Variants in MYOM1 observed in about 807,000 individuals in gnomAD.
MYOM1 encodes the protein myomesin 1.
In MYOM1, 164 loss-of-function variants were observed where a neutral mutation model predicts 205.3. That is an observed-to-expected ratio of 0.80 (90% CI 0.70 to 0.91). MYOM1 has a LOEUF of 0.91. Ranked by LOEUF, MYOM1 falls within the 40% of genes least tolerant of loss-of-function variation. MYOM1 has a pLI of 0.00. For synonymous variants in MYOM1, 772 were observed against 789.4 expected (o/e 0.98, Z 0.37); for missense variants, 2,011 against 2,127.3 (o/e 0.95, Z 1.08).
intron 18 of MYOM1, among the ~76,000 whole-genome samples, chr18:3,127,457 C>T (rs1437975181): frequency 3.3e-5 from 5 of 151,398 alleles, no homozygotes; most frequent in East Asian, 3.9e-4. Context: ...TATAGGTGTG[C>T]ACCACCATGC....
At chr18:3,187,346 C>T in intron 5 of MYOM1, 134 bp downstream of exon 5, 1 of 972,374 alleles carries the variant, frequency 1.0e-6, no homozygotes, top group East Asian at 2.5e-5. Flanking sequence ...TACCCTTCTT[C>T]ACTCTTTTAA....
At chr18:3,107,060 T>C (rs112137631) in intron 22 of MYOM1, among the ~76,000 whole-genome samples, 4 of 152,296 alleles carry the variant, frequency 2.6e-5, no homozygotes, top group African/African-American at 9.6e-5. Flanking sequence ...ATTAAATAAA[T>C]GAACAATAAA....
intron 22 of MYOM1, among the ~76,000 whole-genome samples, chr18:3,109,503 A>ATC: frequency 6.6e-6 from 1 of 152,366 alleles, no homozygotes; most frequent in South Asian, 2.1e-4. Context: ...ATGAGAGGCC[A>ATC]TCCCACTTTC....
chr18:3,169,471 A>G (rs1305282678), intron 8 of MYOM1, among the ~76,000 whole-genome samples: 1 of 152,250 alleles, frequency 6.6e-6, no homozygotes, highest in Non-Finnish European at 1.5e-5. Context: ...AAAAAATTCA[A>G]GTAATCCAAT....
At chr18:3,197,328 G>C (rs1465155446) in intron 2 of MYOM1, among the ~76,000 whole-genome samples, 2 of 152,000 alleles carry the variant, frequency 1.3e-5, no homozygotes, top group South Asian at 4.1e-4. Flanking sequence ...AGTAGAGACA[G>C]AGTTTCGCCA....
At chr18:3,075,881 G>T in intron 34 of MYOM1, 120 bp from the exon 35 acceptor site, 1 of 833,846 alleles carries the variant, frequency 1.2e-6, no homozygotes, top group Non-Finnish European at 2.0e-6. Context: ...AACCGACTTT[G>T]ATTAAGACTG....
chr18:3,127,305 A>ATATATATATTTTTTT (rs56880961), intron 18 of MYOM1, among the ~76,000 whole-genome samples: 20 of 47,568 alleles, frequency 4.2e-4, no homozygotes, highest in African/African-American at 1.4e-3. Flanking sequence ...ATATATATAT[A>ATATATATATTTTTTT]TTTTTTTTTT....
upstream of MYOM1, among the ~76,000 whole-genome samples, chr18:3,220,697 T>C (rs1321989321): frequency 2.0e-5 from 3 of 152,192 alleles, no homozygotes; most frequent in Non-Finnish European, 2.9e-5. Context: ...TCCCACTATA[T>C]TGATAGCACT....
chr18:3,151,900 G>A lies in MYOM1; in HGVS notation c.1644-7C>T. 1 of 1,608,536 alleles carries A rather than the reference G, an allele frequency of 6.2e-7. No homozygotes were observed. Among genetic ancestry groups the A allele is most frequent in the Admixed American group, 1.7e-5 (1 of 59,634 alleles). ...ATCTGTGCCCACCTCACACCTAAAGGAATGAGCGTGATTGACAAAAATATT... is the reference window on the plus strand; with the variant it reads ...ATCTGTGCCCACCTCACACCTAAAGAAATGAGCGTGATTGACAAAAATATT... On this transcript the variant is annotated splice_region_variant and splice_polypyrimidine_tract_variant and intron_variant, in intron 11 of 37. Coordinates refer to ENST00000356443, the MANE Select transcript of MYOM1 (RefSeq NM_003803.4).
rs766731644 is a variant in MYOM1 at position 3,135,633 on chromosome 18, T to C, written c.2123A>G (p.Tyr708Cys). The change falls in exon 15 of 38, where the codon TAC (tyrosine) becomes TGC (cysteine). Residue 708 changes from tyrosine to cysteine, a missense_variant. Coordinates refer to ENST00000356443, the MANE Select transcript of MYOM1 (RefSeq NM_003803.4). The surrounding 1 kb of genome is among the most constrained non-coding windows in gnomAD (Gnocchi z 4.1). The stretch of plus-strand genomic sequence containing the variant: ...ATTAGAACAGCGGACACGGAAACAG[T>C]AGGATTTCCCCTCGGCCAAGTCAAA... ...ALFDLAEGKS[Y>C]CFRVRCSNSA... The C allele has an allele frequency of 1.2e-6, 2 of 1,613,852 alleles. No individual in the cohort carries two copies. Among genetic ancestry groups the C allele is most frequent in the Non-Finnish European group, 1.7e-6 (2 of 1,179,884 alleles).
chr18:3,210,525 A>G (rs2081178902), intron 2 of MYOM1, among the ~76,000 whole-genome samples: 2 of 152,166 alleles, frequency 1.3e-5, no homozygotes, highest in African/African-American at 4.8e-5. Context: ...CTGATTCTAA[A>G]TAGTGGGTTA....
At chr18:3,142,166 T>C in intron 13 of MYOM1, 103 bp from the exon 14 acceptor site, 1 of 1,354,326 alleles carries the variant, frequency 7.4e-7, no homozygotes, top group Non-Finnish European at 1.0e-6. Context: ...GTTAATTATG[T>C]CTCCACAGTT....
chr18:3,156,804 A>T (rs1057010311), intron 10 of MYOM1, among the ~76,000 whole-genome samples: 5 of 151,708 alleles, frequency 3.3e-5, no homozygotes, highest in Non-Finnish European at 4.4e-5. Context: ...AGAGATGGGG[A>T]TTCACCGTAT....
the MYOM1 span, among the ~76,000 whole-genome samples, chr18:3,238,290 T>C: frequency 2.0e-5 from 3 of 152,122 alleles, no homozygotes; most frequent in Admixed American, 2.0e-4. Context: ...ACTGCCGATC[T>C]GACAGCAGAC....
rs1264503544 is a variant in MYOM1 at position 3,154,837 on chromosome 18, G to A, written c.1643+110C>T. 22 of 1,157,072 alleles carry A rather than the reference G, an allele frequency of 1.9e-5. 1 individual carries two copies. The Middle Eastern group carries it at 5.9e-4, about 31-fold the overall frequency. The allele number at this position is 1,157,072 out of a possible 1,614,324, so 71.7% of individuals were successfully genotyped here. A position where few individuals can be genotyped will look rare whatever the true frequency, so the allele number is the denominator to read the frequency against. ...AAGAGAGATACAGAAATAGAAAGAG[G>A]AGGAGAGGAAAGCCAGAAAAGAAAA... On this transcript the variant is annotated intron_variant, in intron 11 of 37. Transcript: ENST00000356443.
chr18:3,223,242 A>G (rs575129657), upstream of MYOM1, among the ~76,000 whole-genome samples: 30 of 152,388 alleles, frequency 2.0e-4, no homozygotes, highest in South Asian at 3.9e-3. Flanking sequence ...AGATAATCAA[A>G]TAAGATATTG....
At chr18:3,117,561 T>C (rs2079624660) in intron 20 of MYOM1, among the ~76,000 whole-genome samples, 1 of 152,218 alleles carries the variant, frequency 6.6e-6, no homozygotes, top group African/African-American at 2.4e-5. Context: ...ATGAATGCTA[T>C]TCACATTCTT....
rs74522818 is a variant in MYOM1 at position 3,163,034 on chromosome 18, C to A, written c.1501+1244G>T. Among the ~76,000 whole-genome samples the A allele has an allele frequency of 4.4e-3, 576 of 130,388 alleles. 15 individuals carry two copies. Among genetic ancestry groups the A allele is most frequent in the East Asian group, 0.011 (39 of 3,420 alleles). 85.5% of individuals were successfully genotyped at this position (130,388 alleles called of 152,430 possible). A position where few individuals can be genotyped will look rare whatever the true frequency, so the allele number is the denominator to read the frequency against. ...TGACTGAGACTCCCACTCAAAAAAA[C>A]AAAAAAAAACAAAAAACCACACACC... On this transcript the variant is annotated intron_variant, in intron 10 of 37. Coordinates refer to ENST00000356443, the MANE Select transcript of MYOM1 (RefSeq NM_003803.4).
chr18:3,203,671 A>T (rs919266805), intron 2 of MYOM1, among the ~76,000 whole-genome samples: 4 of 151,920 alleles, frequency 2.6e-5, no homozygotes, highest in African/African-American at 7.2e-5. Flanking sequence ...TCCATGCCCA[A>T]ATAGCTTCGC....
Sources: allele counts gnomAD v4.1 joint callset (sites outside exome capture counted in the v4.1 genomes callset), GRCh38; gene constraint gnomAD v4.1.1; non-coding constraint Gnocchi (gnomAD v3.1); transcripts MANE v1.5; gene names NCBI Gene and HGNC (gene_info 2026-07-23, HGNC 2026-07-21).